The following DYNC1LI1 variants were observed in gnomAD, a reference collection of about 807,000 sequenced individuals.
The protein encoded by DYNC1LI1 is cytoplasmic dynein 1 light intermediate chain 1.
In DYNC1LI1, 19 loss-of-function variants were observed where a neutral mutation model predicts 63.8. That is an observed-to-expected ratio of 0.30 (90% CI 0.21 to 0.44). The LOEUF (loss-of-function observed/expected upper bound fraction) is 0.44. Among genes scored for constraint, DYNC1LI1 ranks in the 20% least tolerant of loss-of-function variants. The pLI is 1.00. For missense variants in DYNC1LI1, 565 were observed against 630.2 expected, an observed-to-expected ratio of 0.90 and a Z score of 1.11; for synonymous variants, 225 against 232.3, an observed-to-expected ratio of 0.97 and a Z score of 0.28.
intron 2 of DYNC1LI1, among the ~76,000 whole-genome samples, chr3:32,546,423 TAAA>T (rs1697953964): frequency 6.6e-6 from 1 of 151,678 alleles, no homozygotes; most frequent in Non-Finnish European, 1.5e-5. Context: ...AAAAAAAAGA[TAAA>T]AAAGATGCAG....
At chr3:32,527,094 C>A (rs1390322107) in intron 12 of DYNC1LI1, among the ~76,000 whole-genome samples, 186 bp from the exon 13 acceptor site, 4 of 152,166 alleles carry the variant, frequency 2.6e-5, no homozygotes, top group African/African-American at 9.7e-5. Context: ...GTAATCTCAG[C>A]ACTTTGGGAG....
At chr3:32,569,724 G>A (rs1698315122) in intron 2 of DYNC1LI1, among the ~76,000 whole-genome samples, 1 of 152,256 alleles carries the variant, frequency 6.6e-6, no homozygotes, top group South Asian at 2.1e-4. Context: ...GAACAATCAG[G>A]AGAACTGACA....
chr3:32,561,002 CAAAAAAAAA>C (rs59037467), intron 2 of DYNC1LI1, among the ~76,000 whole-genome samples: 5 of 26,120 alleles, frequency 1.9e-4, no homozygotes, highest in East Asian at 7.4e-4. Flanking sequence ...AACTCCGTCT[CAAAAAAAAA>C]AAAAAAAAAA....
rs767521173 is a variant in DYNC1LI1, at chr3:32,570,731, G to A, written c.40C>T (p.Pro14Ser). ...VGRVGSFGSSPPGLSSTYTGG... is the reference protein window; with the variant it reads ...VGRVGSFGSSSPGLSSTYTGG... Reference sequence around the variant, plus strand: ...GTGTAAGTCGAGGATAATCCCGGCGGAGAAGAACCGAAGGAGCCGACTCGC... The same window carrying A: ...GTGTAAGTCGAGGATAATCCCGGCGAAGAAGAACCGAAGGAGCCGACTCGC... The change falls in exon 1 of 13, where the codon CCG (proline) becomes TCG (serine). Residue 14 changes from proline (P) to serine (S), a missense_variant. Physicochemically the swap from Pro to Ser is moderately conservative, Grantham distance 74. Transcript: ENST00000273130. The A allele has an allele frequency of 1.9e-5, 31 of 1,608,376 alleles. No homozygotes were observed. The South Asian group carries it at 3.0e-4, about 15-fold the overall frequency.
intron 12 of DYNC1LI1, among the ~76,000 whole-genome samples, chr3:32,527,161 G>C (rs1307113950): frequency 2.0e-5 from 3 of 152,168 alleles, no homozygotes; most frequent in Non-Finnish European, 4.4e-5. Flanking sequence ...GGCCAACATG[G>C]TGAAACCCTG....
Position 32,541,033 on chromosome 3 carries a change from T to G in DYNC1LI1, c.738+4A>C, listed in dbSNP as rs1575152181. On this transcript the variant is annotated splice_donor_region_variant and intron_variant, in intron 5 of 12. Transcript: ENST00000273130. The stretch of plus-strand genomic sequence containing the variant: ...GTTGCAGAATCCCTAGGAAGCAAAC[T>G]AACCTTTGTGCAAACTACTAGTACT... 2.5e-6 allele frequency: 4 copies of G among 1,582,516 alleles called. No individual in the cohort carries two copies. In the East Asian group the frequency reaches 9.1e-5, roughly 36 times the overall value.
At chr3:32,535,586 C>A (rs773096816) in intron 6 of DYNC1LI1, among the ~76,000 whole-genome samples, 3 of 152,144 alleles carry the variant, frequency 2.0e-5, no homozygotes, top group Non-Finnish European at 2.9e-5. Context: ...ATGGTAGAGA[C>A]AAACATAATC....
At chr3:32,547,306 T>C (rs537283222) in intron 2 of DYNC1LI1, among the ~76,000 whole-genome samples, 5 of 152,266 alleles carry the variant, frequency 3.3e-5, no homozygotes, top group African/African-American at 1.2e-4. Context: ...TTTAATATTG[T>C]GAGTATTTAA....
In DYNC1LI1 at chr3:32,570,813, G is replaced by C. The variant is rs772539477; in HGVS notation, c.-43C>G. The C allele has an allele frequency of 2.6e-6, 4 of 1,567,880 alleles. No individual in the cohort carries two copies. The highest frequency in any genetic ancestry group is 3.5e-6 in the Non-Finnish European group (4 of 1,154,422). ...CCACTCCCGGCAAGACTAAATGTGC[G>C]AGGCGGCTGAGGCGGTGGCGGTGGA... On this transcript the variant is annotated 5_prime_UTR_variant, in exon 1 of 13. Transcript: ENST00000273130.
intron 7 of DYNC1LI1, among the ~76,000 whole-genome samples, chr3:32,533,664 C>G (rs1559434813): frequency 4.6e-5 from 7 of 150,848 alleles, no homozygotes; most frequent in Admixed American, 4.0e-4. Flanking sequence ...CTCCCAGGCT[C>G]AAGTGATCCT....
chr3:32,566,956 A>C (rs964831708), intron 2 of DYNC1LI1, among the ~76,000 whole-genome samples: 1 of 152,250 alleles, frequency 6.6e-6, no homozygotes, highest in Non-Finnish European at 1.5e-5. Context: ...TTAATATCAT[A>C]GACTTTTTGG....
At chr3:32,538,049 T>TTTATATATATAA (rs1239082946) in intron 5 of DYNC1LI1, among the ~76,000 whole-genome samples, 2 of 4,324 alleles carry the variant, frequency 4.6e-4, no homozygotes, top group Non-Finnish European at 6.1e-4. Flanking sequence ...ATATATATAA[T>TTTATATATATAA]TATATATATA....
intron 5 of DYNC1LI1, among the ~76,000 whole-genome samples, chr3:32,540,556 C>A (rs1697866065): frequency 6.6e-6 from 1 of 151,618 alleles, no homozygotes; most frequent in Admixed American, 6.6e-5. Flanking sequence ...TGGTGGGTGC[C>A]TGTAATCCCA....
At chr3:32,544,458 T>C (rs1048860820) in intron 4 of DYNC1LI1, among the ~76,000 whole-genome samples, 1 of 152,150 alleles carries the variant, frequency 6.6e-6, no homozygotes, top group Non-Finnish European at 1.5e-5. Flanking sequence ...TAGCACATCA[T>C]CTAAAGAGAA....
At chr3:32,533,776 A>G (rs1249086867) in intron 7 of DYNC1LI1, among the ~76,000 whole-genome samples, 1 of 151,698 alleles carries the variant, frequency 6.6e-6, no homozygotes, top group African/African-American at 2.4e-5. Context: ...TGCTCAGGCT[A>G]GTCTTGGGCT....
intron 4 of DYNC1LI1, 135 bp downstream of exon 4, chr3:32,544,741 T>G (rs1029635388): frequency 2.4e-5 from 15 of 622,832 alleles, no homozygotes; most frequent in Non-Finnish European, 3.3e-5. Flanking sequence ...GACTCTTGTC[T>G]CCAAAAAAAA....
At position 32,526,690 on chromosome 3, in the gene DYNC1LI1, A is replaced by T; in HGVS notation, c.*109T>A. 1.3e-6 allele frequency: 1 copy of T among 750,880 alleles called. No individual in the cohort carries two copies. Among genetic ancestry groups the T allele is most frequent in the Non-Finnish European group, 2.3e-6 (1 of 440,180 alleles). The allele number at this position is 750,880 out of a possible 1,614,324, so 46.5% of individuals were successfully genotyped here. A position where few individuals can be genotyped will look rare whatever the true frequency, so the allele number is the denominator to read the frequency against. ...ACACACACACACACGACATAAATTT[A>T]GTCCATCTGAAGAAGCACTCCAGCT... On this transcript the variant is annotated 3_prime_UTR_variant, in exon 13 of 13. Transcript: ENST00000273130.
chr3:32,537,587 C>CT (rs1316879900), intron 5 of DYNC1LI1, among the ~76,000 whole-genome samples: 3 of 151,612 alleles, frequency 2.0e-5, no homozygotes, highest in Non-Finnish European at 4.4e-5. Flanking sequence ...TTTTCTGGTG[C>CT]TTTTATTCAC....
At chr3:32,542,100 G>A (rs928471482) in intron 4 of DYNC1LI1, among the ~76,000 whole-genome samples, 1 of 152,030 alleles carries the variant, frequency 6.6e-6, no homozygotes, top group Admixed American at 6.6e-5. Context: ...AAAAATACTG[G>A]GAAAAATACA....
Sources: gnomAD v4.1 joint callset for allele counts (sites outside exome capture counted in the v4.1 genomes callset) on GRCh38, gnomAD v4.1.1 for gene constraint, MANE v1.5 for transcripts, NCBI Gene and HGNC (gene_info 2026-07-23, HGNC 2026-07-21) for gene names.